CCL28: variants seen among roughly 807,000 people sequenced by gnomAD.
The protein encoded by CCL28 is C-C motif chemokine 28.
In CCL28, 4 loss-of-function variants were observed where a neutral mutation model predicts 7.1. The observed-to-expected ratio is 0.56, with a 90% CI of 0.28 to 1.29. The LOEUF is 1.29. CCL28 is among the 50% of genes most tolerant of loss of function. The pLI is 0.11. For missense variants in CCL28, 151 were observed against 163.4 expected, an observed-to-expected ratio of 0.92 and a Z score of 0.41; for synonymous variants, 55 against 57.8, an observed-to-expected ratio of 0.95 and a Z score of 0.22.
At chr5:43,406,902 G>C (rs1197869680) in intron 1 of CCL28, among the ~76,000 whole-genome samples, 1 of 152,176 alleles carries the variant, frequency 6.6e-6, no homozygotes, top group Non-Finnish European at 1.5e-5. Flanking sequence ...TTGCCTCAAA[G>C]AGAACAAAAT....
At chr5:43,361,965 C>T in the CCL28 span, among the ~76,000 whole-genome samples, 4 of 151,560 alleles carry the variant, frequency 2.6e-5, no homozygotes, top group Non-Finnish European at 4.4e-5. Flanking sequence ...CTTAGGATTG[C>T]CTTGGCTATT....
downstream of CCL28, chr5:43,376,745 G>A (rs1373681815): frequency 1.3e-5 from 2 of 152,240 alleles, no homozygotes; most frequent in African/African-American, 4.8e-5. Context: ...TGGGAGGCAA[G>A]GGGCTGGAAA....
At chr5:43,393,278 C>G (rs1740655393) in intron 1 of CCL28, among the ~76,000 whole-genome samples, 1 of 152,134 alleles carries the variant, frequency 6.6e-6, no homozygotes, top group African/African-American at 2.4e-5. Context: ...AAGGGATCCG[C>G]CCACCTTGGC....
chr5:43,409,056 T>C (rs1482278509), intron 1 of CCL28, among the ~76,000 whole-genome samples: 1 of 152,082 alleles, frequency 6.6e-6, no homozygotes, highest in Non-Finnish European at 1.5e-5. Context: ...GGCAGGAGAC[T>C]TGCTTGAGGC....
intron 1 of CCL28, among the ~76,000 whole-genome samples, chr5:43,394,370 AT>A (rs1303966022): frequency 6.6e-6 from 1 of 152,184 alleles, no homozygotes; most frequent in Non-Finnish European, 1.5e-5. Flanking sequence ...AATTTCAGGA[AT>A]TGTGGTTGGA....
intron 1 of CCL28, among the ~76,000 whole-genome samples, chr5:43,410,018 CACA>C (rs1741470546): frequency 6.6e-6 from 1 of 152,210 alleles, no homozygotes; most frequent in Non-Finnish European, 1.5e-5. Context: ...ATTGAGCCAT[CACA>C]ACAAGATAGC....
intron 1 of CCL28, among the ~76,000 whole-genome samples, chr5:43,405,717 T>C (rs1442003339): frequency 6.6e-6 from 1 of 152,154 alleles, no homozygotes; most frequent in Non-Finnish European, 1.5e-5. Flanking sequence ...AGCTGGTTTT[T>C]TGAAAAGATC....
downstream of CCL28, among the ~76,000 whole-genome samples, chr5:43,375,361 CAAAAAAAAAAA>C (rs56103146): frequency 6.6e-5 from 3 of 45,488 alleles, 1 homozygote; most frequent in East Asian, 2.9e-3. Context: ...GACTCTGTCT[CAAAAAAAAAAA>C]AAAAAAAAAA....
chr5:43,364,257 G>A, the CCL28 span, among the ~76,000 whole-genome samples: 1 of 151,842 alleles, frequency 6.6e-6, no homozygotes, highest in Non-Finnish European at 1.5e-5. Context: ...GATGCTCTTG[G>A]AGGAAAAAAG....
At chr5:43,389,353 TTTAGCTATGCTGTGC>T (rs1740472598) in intron 1 of CCL28, among the ~76,000 whole-genome samples, 1 of 152,260 alleles carries the variant, frequency 6.6e-6, no homozygotes, top group Admixed American at 6.5e-5. Flanking sequence ...TGTTTCTTTC[TTTAGCTATGCTGTGC>T]TGCCTAAGTC....
intron 1 of CCL28, among the ~76,000 whole-genome samples, chr5:43,402,741 C>G (rs1047228642): frequency 2.0e-5 from 3 of 152,156 alleles, no homozygotes; most frequent in East Asian, 3.8e-4. Context: ...TGCAAGGGGT[C>G]GGGGAATTCC....
At chr5:43,378,168 C>G (rs901327234), downstream of CCL28, among the ~76,000 whole-genome samples, 3 of 152,138 alleles carry the variant, frequency 2.0e-5, no homozygotes, top group African/African-American at 7.2e-5. Flanking sequence ...CATAGTGAGA[C>G]CCTGTCTCTA....
At chr5:43,382,477 C>T (rs1740158808) in intron 2 of CCL28, among the ~76,000 whole-genome samples, 1 of 152,194 alleles carries the variant, frequency 6.6e-6, no homozygotes, top group African/African-American at 2.4e-5. Context: ...TTTTTCTGAT[C>T]CGTAAGGATT....
At position 43,400,925 on chromosome 5, in the gene CCL28, T is replaced by C. The variant is rs1741000552; in HGVS notation, c.64+11328A>G. 2.6e-5 allele frequency among the ~76,000 whole-genome samples: 4 copies of C among 151,558 alleles called. No individual in the cohort carries two copies. The South Asian group carries it at 8.3e-4, about 32-fold the overall frequency. ...GGTGAAACCCCGTCTCTACTAAAAATACAAAAAATTAACCGGGCGTGGTGG... is the reference window on the plus strand; with the variant it reads ...GGTGAAACCCCGTCTCTACTAAAAACACAAAAAATTAACCGGGCGTGGTGG... On this transcript the variant is annotated intron_variant, in intron 1 of 2. Transcript: ENST00000361115.
At chr5:43,362,633 C>T in the CCL28 span, among the ~76,000 whole-genome samples, 5 of 152,126 alleles carry the variant, frequency 3.3e-5, no homozygotes, top group Admixed American at 3.3e-4. Context: ...ATTTACATAG[C>T]AGTCATTGTG....
chr5:43,389,656 C>T (rs560799700), intron 1 of CCL28, among the ~76,000 whole-genome samples: 4 of 152,182 alleles, frequency 2.6e-5, no homozygotes, highest in South Asian at 4.1e-4. Flanking sequence ...AGAAGAGTAC[C>T]GGGGGCCTAT....
At chr5:43,364,047 T>C in the CCL28 span, among the ~76,000 whole-genome samples, 1 of 152,226 alleles carries the variant, frequency 6.6e-6, no homozygotes, top group Non-Finnish European at 1.5e-5. Context: ...GGGACAGGGA[T>C]AAAACTCACT....
At position 43,403,802 on chromosome 5, in the gene CCL28, G is replaced by C. The variant is rs536977837; in HGVS notation, c.64+8451C>G. The stretch of plus-strand genomic sequence containing the variant: ...ATGGCTAACTATAATAACCAATGCA[G>C]AGAAGTCCTTAAAGGACCTGATGGA... On this transcript the variant is annotated intron_variant, in intron 1 of 2. Transcript: ENST00000361115. Among the ~76,000 whole-genome samples the C allele has an allele frequency of 1.4e-4, 22 of 152,286 alleles. No individual in the cohort carries two copies. The South Asian group carries it at 3.9e-3, about 27-fold the overall frequency.
At position 43,379,438 on chromosome 5, in the gene CCL28, C is replaced by T. The variant is rs1740018085; in HGVS notation, c.*2422G>A. 1 of 151,956 alleles carries T rather than the reference C, an allele frequency of 6.6e-6. No individual in the cohort carries two copies. The highest frequency in any genetic ancestry group is 2.4e-5 in the African/African-American group (1 of 41,350). 9.4% of individuals were successfully genotyped at this position (151,956 alleles called of 1,614,324 possible). A position where few individuals can be genotyped will look rare whatever the true frequency, so the allele number is the denominator to read the frequency against. On this transcript the variant is annotated 3_prime_UTR_variant, in exon 3 of 3. Transcript: ENST00000361115. ...CTTGTCTCTGCCACTTCCTGTGTGA[C>T]CTGGGCAAGTCATTTTACCTCTAAG...
Sources: allele counts gnomAD v4.1 joint callset (sites outside exome capture counted in the v4.1 genomes callset), GRCh38; gene constraint gnomAD v4.1.1; transcripts MANE v1.5; gene names NCBI Gene and HGNC (gene_info 2026-07-23, HGNC 2026-07-21).